The following SP100 variants were observed in gnomAD, a reference collection of about 807,000 sequenced individuals.
The protein encoded by SP100 is nuclear autoantigen Sp-100.
In SP100, 84 loss-of-function variants were observed where a neutral mutation model predicts 130.0. That is an observed-to-expected ratio of 0.65 (90% CI 0.54 to 0.77). SP100 has a LOEUF of 0.77. SP100 is among the 30% of genes least tolerant of loss of function. SP100 has a pLI of 0.00. For synonymous variants in SP100, 331 were observed against 351.7 expected, an observed-to-expected ratio of 0.94 and a Z score of 0.66; for missense variants, 978 against 1,052.2, an observed-to-expected ratio of 0.93 and a Z score of 0.97.
chr2:230,539,897 C>T (rs1440530598), intron 25 of SP100, among the ~76,000 whole-genome samples: 8 of 152,098 alleles, frequency 5.3e-5, no homozygotes, highest in Admixed American at 3.9e-4. Flanking sequence ...CAGGATACCA[C>T]GGAGATTGAT....
intron 16 of SP100, among the ~76,000 whole-genome samples, chr2:230,473,773 C>G (rs2065393629): frequency 6.6e-6 from 1 of 151,852 alleles, no homozygotes; most frequent in Non-Finnish European, 1.5e-5. Flanking sequence ...AGAATGGGCT[C>G]TCTTGGTTAG....
chr2:230,443,536 A>C (rs1340538918), intron 3 of SP100, among the ~76,000 whole-genome samples: 3 of 152,224 alleles, frequency 2.0e-5, no homozygotes, highest in Non-Finnish European at 1.5e-5. Flanking sequence ...AGATCTGGGA[A>C]CATTAAAACC....
chr2:230,474,031 G>A (rs1315534376), intron 16 of SP100, among the ~76,000 whole-genome samples: 3 of 152,136 alleles, frequency 2.0e-5, no homozygotes, highest in African/African-American at 7.2e-5. Flanking sequence ...AAAATACATT[G>A]TTTTGAAAGA....
At chr2:230,432,427 T>G (rs1160448525) in intron 2 of SP100, among the ~76,000 whole-genome samples, 2 of 152,172 alleles carry the variant, frequency 1.3e-5, no homozygotes, top group African/African-American at 4.8e-5. Context: ...GGTTCTATAG[T>G]AGCATTATGT....
intron 24 of SP100, among the ~76,000 whole-genome samples, chr2:230,528,586 A>G (rs1368989605): frequency 6.6e-6 from 1 of 152,218 alleles, no homozygotes; most frequent in Non-Finnish European, 1.5e-5. Flanking sequence ...TCAGAGCAGA[A>G]CTGAAGGAGA....
chr2:230,484,561 G>T (rs2065976986), intron 17 of SP100, among the ~76,000 whole-genome samples: 1 of 152,150 alleles, frequency 6.6e-6, no homozygotes, highest in Admixed American at 6.5e-5. Context: ...TGTGCCCTCA[G>T]TGGAACTTTT....
intron 23 of SP100, chr2:230,510,494 T>TACAGAG (rs1690498883): frequency 4.1e-5 from 1 of 24,200 alleles, no homozygotes; most frequent in Non-Finnish European, 1.1e-4. Context: ...TTTTTTTTTT[T>TACAGAG]TTTTTTTTTT....
rs542187438 is a variant in SP100 at position 230,502,269 on chromosome 2, T to G, written c.1721-797T>G. Among the ~76,000 whole-genome samples the G allele has an allele frequency of 1.2e-4, 18 of 152,326 alleles. No individual in the cohort carries two copies. In the South Asian group the frequency reaches 3.3e-3, roughly 28 times the overall value. Reference sequence around the variant, plus strand: ...TGCCTTAATTTCTACAAGTTCCTCTTGAATAGCCTTCATTGGGTTAGTTTT... The same window carrying G: ...TGCCTTAATTTCTACAAGTTCCTCTGGAATAGCCTTCATTGGGTTAGTTTT... On this transcript the variant is annotated intron_variant, in intron 19 of 28. Transcript: ENST00000340126.
chr2:230,469,234 A>G lies in SP100; in HGVS notation c.1345+138A>G, dbSNP rs192879490. 2.1e-3 allele frequency: 1,301 copies of G among 623,812 alleles called. 2 individuals carry two copies. The highest frequency in any genetic ancestry group is 2.4e-3 in the Admixed American group (81 of 33,686). 38.6% of individuals were successfully genotyped at this position (623,812 alleles called of 1,614,324 possible). A position where few individuals can be genotyped will look rare whatever the true frequency, so the allele number is the denominator to read the frequency against. On this transcript the variant is annotated intron_variant, in intron 14 of 28. Coordinates refer to ENST00000340126, the MANE Select transcript of SP100 (RefSeq NM_001080391.2). Reference sequence around the variant, plus strand: ...AGATGATTTGCATTTTACATTTTCAATTAGATGAGTTGGGCTGGTATAAAA... The same window carrying G: ...AGATGATTTGCATTTTACATTTTCAGTTAGATGAGTTGGGCTGGTATAAAA...
intron 8 of SP100, among the ~76,000 whole-genome samples, chr2:230,453,136 G>A (rs903751358): frequency 2.6e-5 from 4 of 152,172 alleles, no homozygotes; most frequent in African/African-American, 4.8e-5. Context: ...AAAAGGGGAA[G>A]CAAACACGTC....
rs184994342 is a variant in SP100 at position 230,489,561 on chromosome 2, G to A, written c.1601-4855G>A. On this transcript the variant is annotated intron_variant, in intron 17 of 28. Coordinates refer to ENST00000340126, the MANE Select transcript of SP100 (RefSeq NM_001080391.2). ...TATTTCTTGTCTTCTGCTAGCTTTT[G>A]GATTAGTTTGCTCTTGTCTCTCTGG... 2.8e-3 allele frequency among the ~76,000 whole-genome samples: 426 copies of A among 151,806 alleles called. 1 individual carries two copies. The highest frequency in any genetic ancestry group is 9.6e-3 in the African/African-American group (399 of 41,402).
intron 24 of SP100, 143 bp downstream of exon 24, chr2:230,511,309 A>G (rs1690570216): frequency 2.9e-6 from 2 of 694,284 alleles, no homozygotes; most frequent in South Asian, 3.3e-5. Context: ...CAAGCCAGGT[A>G]CCTGGGTCTG....
chr2:230,459,765 G>A (rs1047591650), intron 8 of SP100, among the ~76,000 whole-genome samples: 2 of 152,164 alleles, frequency 1.3e-5, no homozygotes, highest in Non-Finnish European at 2.9e-5. Flanking sequence ...TAAAATTAGA[G>A]GAACAGTCTC....
At chr2:230,514,852 C>T (rs1042091595) in intron 24 of SP100, among the ~76,000 whole-genome samples, 1 of 152,112 alleles carries the variant, frequency 6.6e-6, no homozygotes, top group African/African-American at 2.4e-5. Flanking sequence ...TGAAGTCCCC[C>T]AAATACCTCA....
At chr2:230,442,104 T>C (rs1223533556) in intron 2 of SP100, among the ~76,000 whole-genome samples, 1 of 152,184 alleles carries the variant, frequency 6.6e-6, no homozygotes, top group Non-Finnish European at 1.5e-5. Flanking sequence ...TGTTAGATAC[T>C]GGACAGTGCC....
intron 24 of SP100, among the ~76,000 whole-genome samples, chr2:230,517,216 C>T (rs1182214524): frequency 6.6e-6 from 1 of 151,632 alleles, no homozygotes; most frequent in South Asian, 2.1e-4. Context: ...AAATTTTAGG[C>T]CAAAAAAACA....
chr2:230,542,971 T>G lies in SP100; in HGVS notation c.*25T>G, dbSNP rs745449278. ...GCCATTCTTATCTCCTCCCTTCAGA[T>G]CCTCTGGCAGCTAGCTACGCAATGT... On this transcript the variant is annotated 3_prime_UTR_variant, in exon 29 of 29. Transcript: ENST00000340126. 1 of 1,312,280 alleles carries G rather than the reference T, an allele frequency of 7.6e-7. No homozygotes were observed. Among genetic ancestry groups the G allele is most frequent in the South Asian group, 1.2e-5 (1 of 83,100 alleles). The allele number at this position is 1,312,280 out of a possible 1,614,324, so 81.3% of individuals were successfully genotyped here.
intron 26 of SP100, 132 bp downstream of exon 26, chr2:230,541,128 C>T (rs1024665814): frequency 3.2e-6 from 4 of 1,261,594 alleles, no homozygotes; most frequent in South Asian, 1.4e-5. Context: ...TGCTCCATGA[C>T]CTAACGCTAC....
Position 230,540,952 on chromosome 2 carries a change from GA to G in SP100, c.2289del (p.Glu763AspfsTer5). 6.2e-7 allele frequency: 1 copy of G among 1,613,710 alleles called. No homozygotes were observed. Among genetic ancestry groups the G allele is most frequent in the Non-Finnish European group, 8.5e-7 (1 of 1,179,666 alleles). On this transcript the variant is annotated frameshift_variant, in exon 26 of 29. Coordinates refer to ENST00000340126, the MANE Select transcript of SP100 (RefSeq NM_001080391.2). LOFTEE classifies it high-confidence loss of function. ...CCCAGAAAGCCAATCAGGTCATCAG[GA>G]ATCTGAAGTCCTGATGAGGCAGATG... ...RCPESQSGHQ[E>X]SEVLMRQMLP... is the part of the protein sequence containing the mutation.
Sources: gnomAD v4.1 joint callset for allele counts (sites outside exome capture counted in the v4.1 genomes callset) on GRCh38, gnomAD v4.1.1 for gene constraint, MANE v1.5 for transcripts, NCBI Gene and HGNC (gene_info 2026-07-23, HGNC 2026-07-21) for gene names.